The following SLC2A14 variants were observed in gnomAD, a reference collection of about 807,000 sequenced individuals.
SLC2A14 encodes solute carrier family 2, facilitated glucose transporter member 14.
SLC2A14 carries 13 observed loss-of-function variants against 43.0 expected under a neutral mutation model. The observed-to-expected ratio is 0.30, with a 90% confidence interval of 0.20 to 0.48. The LOEUF is 0.48. Ranked by LOEUF, SLC2A14 falls within the 20% of genes least tolerant of loss-of-function variation. SLC2A14 has a pLI of 0.99. For missense variants in SLC2A14, 428 were observed against 620.4 expected (o/e 0.69, Z 3.29); for synonymous variants, 190 against 233.8 (o/e 0.81, Z 1.71).
At chr12:7,832,442 C>T (rs1038824300) in intron 3 of SLC2A14, among the ~76,000 whole-genome samples, 1 of 152,074 alleles carries the variant, frequency 6.6e-6, no homozygotes. Context: ...TTAAATGACC[C>T]CACTAATTTT....
chr12:7,835,904 T>C (rs1865411155), intron 2 of SLC2A14, among the ~76,000 whole-genome samples: 1 of 152,170 alleles, frequency 6.6e-6, no homozygotes, highest in Non-Finnish European at 1.5e-5. Context: ...AGAAAATAAG[T>C]CCTCAGGATT....
chr12:7,886,309 G>T (rs1311659650), intron 1 of SLC2A14, among the ~76,000 whole-genome samples: 4 of 151,108 alleles, frequency 2.6e-5, no homozygotes, highest in Non-Finnish European at 5.9e-5. Context: ...CCACAGGCAT[G>T]TGCCACCTCG....
intron 10 of SLC2A14, 21 bp from the exon 11 acceptor site, chr12:7,814,555 A>G: frequency 6.3e-7 from 1 of 1,599,884 alleles, no homozygotes; most frequent in Non-Finnish European, 8.5e-7. Flanking sequence ...GACAGAAAAA[A>G]GGAAGGTTGA....
At chr12:7,829,014 AC>A in intron 5 of SLC2A14, 148 bp from the exon 6 acceptor site, 1 of 994,670 alleles carries the variant, frequency 1.0e-6, no homozygotes, top group East Asian at 2.6e-5. Context: ...GGAGTTGAAG[AC>A]CAGCCTGGCC....
chr12:7,887,955 C>A (rs1296295998), intron 1 of SLC2A14, among the ~76,000 whole-genome samples: 1 of 152,116 alleles, frequency 6.6e-6, no homozygotes, highest in Non-Finnish European at 1.5e-5. Flanking sequence ...ATCACAGAAT[C>A]CTTCCTCTGG....
At chr12:7,814,793 GTATTAT>G (rs755496466) in intron 10 of SLC2A14, among the ~76,000 whole-genome samples, 15 of 150,974 alleles carry the variant, frequency 9.9e-5, no homozygotes, top group East Asian at 5.9e-4. Flanking sequence ...GGACTTTTGA[GTATTAT>G]TATTATTATT....
intron 2 of SLC2A14, among the ~76,000 whole-genome samples, chr12:7,861,741 C>T (rs763535635): frequency 7.8e-4 from 119 of 151,942 alleles, no homozygotes; most frequent in African/African-American, 2.8e-3. Context: ...GGCAGCAGAT[C>T]TCCTGAGGTC....
chr12:7,859,515 C>A (rs1364019985), intron 2 of SLC2A14, among the ~76,000 whole-genome samples: 1 of 151,790 alleles, frequency 6.6e-6, no homozygotes, highest in Non-Finnish European at 1.5e-5. Flanking sequence ...GGGTATTAAC[C>A]ATGGGAATAA....
intron 8 of SLC2A14, among the ~76,000 whole-genome samples, chr12:7,820,453 C>G (rs774557905): frequency 6.6e-6 from 1 of 152,076 alleles, no homozygotes; most frequent in Non-Finnish European, 1.5e-5. Context: ...CTTGGGAAAT[C>G]GGCCACCAAC....
At chr12:7,839,865 G>C in intron 2 of SLC2A14, 1 of 440,192 alleles carries the variant, frequency 2.3e-6, no homozygotes. Context: ...CTTGAGTCCA[G>C]GAGTTCTTAT....
chr12:7,880,690 C>CAAAAA (rs753621437), intron 1 of SLC2A14, among the ~76,000 whole-genome samples: 2 of 65,140 alleles, frequency 3.1e-5, no homozygotes, highest in Non-Finnish European at 6.3e-5. Context: ...AGCTGGGTCT[C>CAAAAA]AAAAAAAAAA....
chr12:7,834,455 G>A lies in SLC2A14; in HGVS notation c.19-1641C>T, dbSNP rs1003226590. 2.2e-4 allele frequency among the ~76,000 whole-genome samples: 33 copies of A among 151,070 alleles called. 1 individual carries two copies. Among genetic ancestry groups the A allele is most frequent in the Non-Finnish European group, 4.3e-4 (29 of 67,918 alleles). On this transcript the variant is annotated intron_variant, in intron 2 of 10. Transcript: ENST00000431042. ...TATAATCCCAGCCCTTTGGGAGGTCGAGGCAGAAGGATCACTTGAGCCTAG... is the reference window on the plus strand; with the variant it reads ...TATAATCCCAGCCCTTTGGGAGGTCAAGGCAGAAGGATCACTTGAGCCTAG...
chr12:7,870,731 A>G, intron 1 of SLC2A14: 1 of 488,066 alleles, frequency 2.0e-6, no homozygotes, highest in Non-Finnish European at 2.9e-6. Context: ...AAATAAAGTC[A>G]AACCAAAAAA....
chr12:7,873,023 G>A (rs1344876111), upstream of SLC2A14: 4 of 985,470 alleles, frequency 4.1e-6, no homozygotes, highest in African/African-American at 5.2e-5. Context: ...ACCCACCTGC[G>A]GTCAGAGCAG....
chr12:7,827,721 T>C (rs770055244), intron 6 of SLC2A14, 39 bp from the exon 7 acceptor site: 60 of 1,357,844 alleles, frequency 4.4e-5, no homozygotes, highest in Non-Finnish European at 5.5e-5. Context: ...AAAGAGAATG[T>C]GCTGCCCCAA....
chr12:7,843,343 C>T (rs866931986), intron 2 of SLC2A14, among the ~76,000 whole-genome samples: 28 of 147,718 alleles, frequency 1.9e-4, no homozygotes, highest in Middle Eastern at 3.2e-3. Context: ...ATGTCACAGG[C>T]GCTGTTTCAA....
chr12:7,864,878 T>C (rs1446910026), intron 2 of SLC2A14, among the ~76,000 whole-genome samples: 1 of 152,118 alleles, frequency 6.6e-6, no homozygotes, highest in African/African-American at 2.4e-5. Context: ...GAAACACTCT[T>C]TCTTCAGATC....
At chr12:7,857,787 A>G (rs779540766) in intron 2 of SLC2A14, among the ~76,000 whole-genome samples, 119 of 151,968 alleles carry the variant, frequency 7.8e-4, no homozygotes, top group Non-Finnish European at 6.9e-4. Flanking sequence ...CAGCTTCCCA[A>G]GTAGCTGGGA....
At chr12:7,833,602 GA>G (rs1865206893) in intron 2 of SLC2A14, among the ~76,000 whole-genome samples, 1 of 152,106 alleles carries the variant, frequency 6.6e-6, no homozygotes, top group African/African-American at 2.4e-5. Context: ...CCAACATGGT[GA>G]AACCCCATCT....
Sources: gnomAD v4.1 joint callset for allele counts (sites outside exome capture counted in the v4.1 genomes callset) on GRCh38, gnomAD v4.1.1 for gene constraint, MANE v1.5 for transcripts, NCBI Gene and HGNC (gene_info 2026-07-23, HGNC 2026-07-21) for gene names.